Variants in AKAIN1 observed in about 807,000 individuals in gnomAD.
AKAIN1 encodes A-kinase anchor protein inhibitor 1.
In AKAIN1, 3 loss-of-function variants were observed where a neutral mutation model predicts 3.7. The observed-to-expected ratio is 0.82, with a 90% CI of 0.37 to 2.12. The LOEUF is 2.12. AKAIN1 is among the 30% of genes most tolerant of loss of function. The pLI is 0.06. For synonymous variants in AKAIN1, 31 were observed against 30.8 expected, an observed-to-expected ratio of 1.01 and a Z score of -0.02; for missense variants, 82 against 82.7, an observed-to-expected ratio of 0.99 and a Z score of 0.03.
chr18:5,171,235 T>G (rs2071196052), intron 1 of AKAIN1, among the ~76,000 whole-genome samples: 1 of 152,138 alleles, frequency 6.6e-6, no homozygotes, highest in Non-Finnish European at 1.5e-5. Flanking sequence ...ATGCTATACT[T>G]CCATTTAATA....
intron 1 of AKAIN1, among the ~76,000 whole-genome samples, chr18:5,153,802 G>A (rs1010867439): frequency 7.2e-5 from 11 of 152,082 alleles, no homozygotes; most frequent in Non-Finnish European, 1.2e-4. Context: ...ATTATGAACT[G>A]TGGAGTTTGG....
At chr18:5,184,435 A>G (rs1322414337) in intron 1 of AKAIN1, among the ~76,000 whole-genome samples, 1 of 152,110 alleles carries the variant, frequency 6.6e-6, no homozygotes, top group African/African-American at 2.4e-5. Context: ...TTCTATCCCT[A>G]GAAAATTCTG....
At chr18:5,197,267 G>A (rs1000901407), upstream of AKAIN1, 3 of 1,374,402 alleles carry the variant, frequency 2.2e-6, no homozygotes, top group East Asian at 3.0e-5. This position sits in a 1 kb window ranked among gnomAD's most constrained non-coding sequence, Gnocchi z 6.9. Flanking sequence ...TGCGGCCACA[G>A]CGGCGGCGGG....
chr18:5,148,046 T>A (rs1464218528), intron 1 of AKAIN1, among the ~76,000 whole-genome samples: 1 of 152,234 alleles, frequency 6.6e-6, no homozygotes, highest in Non-Finnish European at 1.5e-5. Flanking sequence ...GTATCATTAA[T>A]TTAGGTTGGT....
intron 1 of AKAIN1, among the ~76,000 whole-genome samples, chr18:5,155,489 G>A (rs1009457890): frequency 6.6e-6 from 1 of 152,208 alleles, no homozygotes; most frequent in Non-Finnish European, 1.5e-5. Context: ...CTCCCCGAAA[G>A]TGTCCGTTTC....
chr18:5,186,707 T>C (rs895694537), intron 1 of AKAIN1, among the ~76,000 whole-genome samples: 1 of 152,160 alleles, frequency 6.6e-6, no homozygotes, highest in African/African-American at 2.4e-5. Flanking sequence ...ATGACATTTA[T>C]AGAGCATTCC....
At chr18:5,180,986 G>T (rs1052985304) in intron 1 of AKAIN1, among the ~76,000 whole-genome samples, 2 of 151,880 alleles carry the variant, frequency 1.3e-5, no homozygotes, top group African/African-American at 4.8e-5. Flanking sequence ...ACTTCTCTTA[G>T]TTTGAAAAAA....
rs1238934518 is a variant in AKAIN1 at position 5,142,926 on chromosome 18, T to A, written c.*2636A>T. On this transcript the variant is annotated 3_prime_UTR_variant, in exon 2 of 2. Transcript: ENST00000434239. ...GTCATTTTGCATCAATTTACAATACTGTTTGCACTGAACAGATGATTACAG... is the reference window on the plus strand; with the variant it reads ...GTCATTTTGCATCAATTTACAATACAGTTTGCACTGAACAGATGATTACAG... Among the ~76,000 whole-genome samples the A allele has an allele frequency of 6.6e-6, 1 of 152,220 alleles. No homozygotes were observed. The highest frequency in any genetic ancestry group is 2.4e-5 in the African/African-American group (1 of 41,462).
chr18:5,172,191 T>C (rs962638407), intron 1 of AKAIN1, among the ~76,000 whole-genome samples: 12 of 152,076 alleles, frequency 7.9e-5, no homozygotes, highest in Non-Finnish European at 1.5e-4. Context: ...TACCAGAGGC[T>C]GGGAAGGGTA....
At chr18:5,196,231 AC>A (rs2071346868) in intron 1 of AKAIN1, among the ~76,000 whole-genome samples, 1 of 152,168 alleles carries the variant, frequency 6.6e-6, no homozygotes, top group Admixed American at 6.5e-5. Flanking sequence ...CTTTGGATCT[AC>A]CCCTAGAGAC....
intron 1 of AKAIN1, among the ~76,000 whole-genome samples, chr18:5,160,030 G>GT (rs1201317728): frequency 4.6e-5 from 7 of 152,278 alleles, no homozygotes; most frequent in East Asian, 1.9e-4. Context: ...CTTGATTCCA[G>GT]TTTTTTAGCT....
upstream of AKAIN1, chr18:5,197,336 T>C (rs999620795): frequency 2.3e-6 from 3 of 1,301,218 alleles, no homozygotes; most frequent in South Asian, 2.1e-5. This position sits in a 1 kb window ranked among gnomAD's most constrained non-coding sequence, Gnocchi z 6.9. Context: ...CTCGGCGACG[T>C]ACACTGCTGC....
At chr18:5,168,358 G>A (rs953958351) in intron 1 of AKAIN1, among the ~76,000 whole-genome samples, 2 of 152,062 alleles carry the variant, frequency 1.3e-5, no homozygotes, top group Non-Finnish European at 2.9e-5. Flanking sequence ...ACCATTGCTT[G>A]AGCACCTACA....
At chr18:5,196,471 A>C (rs1339687090) in intron 1 of AKAIN1, among the ~76,000 whole-genome samples, 1 of 152,256 alleles carries the variant, frequency 6.6e-6, no homozygotes, top group Non-Finnish European at 1.5e-5. Flanking sequence ...GCGGCGCCGC[A>C]GTAGCTGCCT....
At position 5,145,535 on chromosome 18, in the gene AKAIN1, C is replaced by T; in HGVS notation, c.*27G>A. 6.5e-7 allele frequency: 1 copy of T among 1,541,924 alleles called. No homozygotes were observed. Among genetic ancestry groups the T allele is most frequent in the Non-Finnish European group, 8.8e-7 (1 of 1,140,450 alleles). On this transcript the variant is annotated 3_prime_UTR_variant, in exon 2 of 2. Coordinates refer to ENST00000434239, the MANE Select transcript of AKAIN1 (RefSeq NM_001145194.2). Reference sequence around the variant, plus strand: ...ACTAAGAGGAAGGCTAGAAACCAAGCACATGTCAAGAGCCAAATCCACCAT... The same window carrying T: ...ACTAAGAGGAAGGCTAGAAACCAAGTACATGTCAAGAGCCAAATCCACCAT...
chr18:5,193,399 T>G (rs1487946097), intron 1 of AKAIN1, among the ~76,000 whole-genome samples: 5 of 152,216 alleles, frequency 3.3e-5, no homozygotes, highest in Non-Finnish European at 7.4e-5. Context: ...GACTAATCCC[T>G]GAATTATATA....
At chr18:5,150,714 C>T (rs115524190) in intron 1 of AKAIN1, among the ~76,000 whole-genome samples, 238 of 152,300 alleles carry the variant, frequency 1.6e-3, no homozygotes, top group African/African-American at 5.6e-3. Flanking sequence ...CCCCTCAGAA[C>T]TTTCTGCCCC....
At chr18:5,174,000 T>A (rs549906321) in intron 1 of AKAIN1, among the ~76,000 whole-genome samples, 1 of 152,262 alleles carries the variant, frequency 6.6e-6, no homozygotes, top group Admixed American at 6.5e-5. Flanking sequence ...CTCTGAGCCC[T>A]TGCCCCAGAG....
intron 1 of AKAIN1, among the ~76,000 whole-genome samples, chr18:5,173,466 GT>G: frequency 6.6e-6 from 1 of 152,200 alleles, no homozygotes; most frequent in East Asian, 1.9e-4. Context: ...GTTGAGTTTT[GT>G]TACATTTTAG....
Sources: allele counts gnomAD v4.1 joint callset (sites outside exome capture counted in the v4.1 genomes callset), GRCh38; gene constraint gnomAD v4.1.1; non-coding constraint Gnocchi (gnomAD v3.1); transcripts MANE v1.5; gene names NCBI Gene and HGNC (gene_info 2026-07-23, HGNC 2026-07-21).